TTC7B: variants seen among roughly 807,000 people sequenced by gnomAD.
TTC7B encodes tetratricopeptide repeat domain 7B, also known as tetratricopeptide repeat protein 7B.
In TTC7B, 28 loss-of-function variants were observed where a neutral mutation model predicts 106.8. The ratio of observed to expected loss-of-function variants is 0.26; its 90% CI spans 0.19 to 0.36. TTC7B has a LOEUF of 0.36. Among genes scored for constraint, TTC7B ranks in the 10% least tolerant of loss-of-function variants. The probability of loss-of-function intolerance (pLI) is 1.00; values close to 1 mark genes in which losing one functional copy is unlikely to be tolerated. For synonymous variants in TTC7B, 405 were observed against 430.6 expected, an observed-to-expected ratio of 0.94 and a Z score of 0.74; for missense variants, 862 against 1,076.4, an observed-to-expected ratio of 0.80 and a Z score of 2.79.
intron 19 of TTC7B, among the ~76,000 whole-genome samples, chr14:90,542,590 A>T (rs1889651052): frequency 6.6e-6 from 1 of 152,208 alleles, no homozygotes; most frequent in Admixed American, 6.5e-5. Context: ...AGACATGAAC[A>T]TCTTTCCAGA....
At chr14:90,684,805 T>C (rs532688449) in intron 7 of TTC7B, among the ~76,000 whole-genome samples, 3 of 152,204 alleles carry the variant, frequency 2.0e-5, no homozygotes, top group South Asian at 2.1e-4. Context: ...CATGGATATG[T>C]TGATGAACTT....
At chr14:90,611,586 GGA>G (rs1156793179) in intron 16 of TTC7B, among the ~76,000 whole-genome samples, 1 of 152,112 alleles carries the variant, frequency 6.6e-6, no homozygotes, top group African/African-American at 2.4e-5. Flanking sequence ...ACAGGGACTG[GGA>G]GAGAACATGG....
rs1370963558 is a variant in TTC7B at position 90,537,951 on chromosome 14, T to C, written c.*3417A>G. 1 of 152,200 alleles carries C rather than the reference T, an allele frequency of 6.6e-6. No homozygotes were observed. The highest frequency in any genetic ancestry group is 1.5e-5 in the Non-Finnish European group (1 of 68,044). 9.4% of individuals were successfully genotyped at this position (152,200 alleles called of 1,614,324 possible). Reference sequence around the variant, plus strand: ...ATTCCATAGATATTTGTTGGATGAATGAATGAGTGAATGAATGAATGAAAT... The same window carrying C: ...ATTCCATAGATATTTGTTGGATGAACGAATGAGTGAATGAATGAATGAAAT... On this transcript the variant is annotated 3_prime_UTR_variant, in exon 20 of 20. Transcript: ENST00000328459.
chr14:90,719,472 C>G (rs543144330), intron 5 of TTC7B, among the ~76,000 whole-genome samples: 9 of 152,168 alleles, frequency 5.9e-5, no homozygotes, highest in Non-Finnish European at 1.0e-4. Flanking sequence ...CTTTGGGCTT[C>G]CCTGAGTGTG....
chr14:90,614,323 A>T (rs1264846156), intron 16 of TTC7B, among the ~76,000 whole-genome samples: 1 of 152,230 alleles, frequency 6.6e-6, no homozygotes, highest in Non-Finnish European at 1.5e-5. Flanking sequence ...GAAAAGCTCC[A>T]CCCAAATGCT....
Position 90,677,777 on chromosome 14 carries a change from G to A in TTC7B, c.1015-1117C>T, listed in dbSNP as rs1286208443. ...GAGACAAAATGCATTTTCTTTGTGT[G>A]TGAGTCCAAGGCATTTACTTTTAGC... On this transcript the variant is annotated intron_variant, in intron 8 of 19. Coordinates refer to ENST00000328459, the MANE Select transcript of TTC7B (RefSeq NM_001010854.2). 5 of 451,118 alleles carry A rather than the reference G, an allele frequency of 1.1e-5. No homozygotes were observed. In the Admixed American group the frequency reaches 1.2e-4, roughly 11 times the overall value. 27.9% of individuals were successfully genotyped at this position (451,118 alleles called of 1,614,324 possible). A position where few individuals can be genotyped will look rare whatever the true frequency, so the allele number is the denominator to read the frequency against.
At chr14:90,773,257 G>C (rs1296415784) in intron 3 of TTC7B, among the ~76,000 whole-genome samples, 1 of 152,188 alleles carries the variant, frequency 6.6e-6, no homozygotes, top group African/African-American at 2.4e-5. Context: ...AGTATTATTA[G>C]CTCTGTTTTG....
At chr14:90,703,066 G>C (rs1431613604) in intron 5 of TTC7B, among the ~76,000 whole-genome samples, 1 of 152,276 alleles carries the variant, frequency 6.6e-6, no homozygotes, top group East Asian at 1.9e-4. Context: ...AAGCTGGAGA[G>C]GAAAGCTCGC....
At position 90,808,073 on chromosome 14, in the gene TTC7B, T is replaced by G. The variant is rs538282557; in HGVS notation, c.121+8102A>C. On this transcript the variant is annotated intron_variant, in intron 1 of 19. Coordinates refer to ENST00000328459, the MANE Select transcript of TTC7B (RefSeq NM_001010854.2). The surrounding 1 kb of genome is among the most constrained non-coding windows in gnomAD (Gnocchi z 4.2). ...GTCTACTCAAGCCCTGAATGAGAAT[T>G]ACCCCTGACATCATTCGCTTGTTGT... Among the ~76,000 whole-genome samples the G allele has an allele frequency of 1.3e-5, 2 of 152,360 alleles. No individual in the cohort carries two copies. Among genetic ancestry groups the G allele is most frequent in the South Asian group, 2.1e-4 (1 of 4,832 alleles).
At chr14:90,557,018 G>A (rs570583667) in intron 19 of TTC7B, among the ~76,000 whole-genome samples, 12 of 152,310 alleles carry the variant, frequency 7.9e-5, no homozygotes, top group Admixed American at 5.9e-4. Context: ...ATTCCCATGC[G>A]GCCACTGCAG....
chr14:90,671,816 G>A (rs1886644297), intron 9 of TTC7B, among the ~76,000 whole-genome samples: 1 of 152,208 alleles, frequency 6.6e-6, no homozygotes, highest in East Asian at 1.9e-4. Context: ...GGAAAGAAAG[G>A]CACGATGATG....
At chr14:90,560,275 C>T (rs1890515683) in intron 19 of TTC7B, among the ~76,000 whole-genome samples, 1 of 152,228 alleles carries the variant, frequency 6.6e-6, no homozygotes, top group South Asian at 2.1e-4. Flanking sequence ...CGATTCCAAG[C>T]TACCGAGGTG....
intron 9 of TTC7B, among the ~76,000 whole-genome samples, chr14:90,673,815 A>G (rs555844870): frequency 2.6e-5 from 4 of 152,320 alleles, no homozygotes; most frequent in Admixed American, 6.5e-5. Context: ...ACATTATGCT[A>G]TGTGAAAGAA....
chr14:90,804,331 C>CA (rs1303813239), intron 1 of TTC7B, among the ~76,000 whole-genome samples: 3,079 of 121,510 alleles, frequency 0.025, 107 homozygotes, highest in African/African-American at 0.085. Flanking sequence ...GACTCCGTCT[C>CA]AAAAAAAAAA....
intron 1 of TTC7B, among the ~76,000 whole-genome samples, chr14:90,801,351 C>T (rs1172823209): frequency 6.6e-6 from 1 of 152,052 alleles, no homozygotes; most frequent in Non-Finnish European, 1.5e-5. Flanking sequence ...ACTTGAACTT[C>T]GCCCAGTGAG....
chr14:90,793,731 C>A (rs1254841494), intron 1 of TTC7B, among the ~76,000 whole-genome samples: 2 of 151,328 alleles, frequency 1.3e-5, no homozygotes, highest in Non-Finnish European at 2.9e-5. Context: ...GCCTCAGCCT[C>A]CCGAGTAGCT....
At chr14:90,669,611 G>A (rs1202238774) in intron 9 of TTC7B, among the ~76,000 whole-genome samples, 3 of 150,998 alleles carry the variant, frequency 2.0e-5, no homozygotes, top group Non-Finnish European at 1.5e-5. Context: ...TTTAAAATTG[G>A]CAAAAGACTT....
At chr14:90,775,904 G>A (rs142602848) in intron 3 of TTC7B, among the ~76,000 whole-genome samples, 4 of 150,832 alleles carry the variant, frequency 2.7e-5, no homozygotes, top group East Asian at 3.9e-4. Context: ...TAAAATTTCC[G>A]GTTTAAAAAT....
At chr14:90,799,751 G>T (rs1350526618) in intron 1 of TTC7B, among the ~76,000 whole-genome samples, 1 of 152,178 alleles carries the variant, frequency 6.6e-6, no homozygotes, top group Non-Finnish European at 1.5e-5. Flanking sequence ...TGTGGCAAGG[G>T]GTCTGGCATT....
Sources: gnomAD v4.1 joint callset for allele counts (sites outside exome capture counted in the v4.1 genomes callset) on GRCh38, gnomAD v4.1.1 for gene constraint, Gnocchi (gnomAD v3.1) non-coding constraint, MANE v1.5 for transcripts, NCBI Gene and HGNC (gene_info 2026-07-23, HGNC 2026-07-21) for gene names.